Variants in NIM1K observed in about 807,000 individuals in gnomAD.
NIM1K encodes the protein NIM1 serine/threonine protein kinase, also known as serine/threonine-protein kinase NIM1.
NIM1K carries 35 observed loss-of-function variants against 37.1 expected under a neutral mutation model. The observed-to-expected ratio is 0.94, with a 90% CI of 0.72 to 1.25. The LOEUF is 1.25. Ranked by LOEUF, NIM1K falls within the 50% of genes most tolerant of loss-of-function variation. NIM1K has a pLI of 0.00. For synonymous variants in NIM1K, 234 were observed against 206.6 expected (o/e 1.13, Z -1.14); for missense variants, 564 against 548.0 (o/e 1.03, Z -0.29).
intron 1 of NIM1K, among the ~76,000 whole-genome samples, chr5:43,225,260 C>CAGA (rs1752438057): frequency 1.4e-5 from 1 of 72,674 alleles, no homozygotes; most frequent in Non-Finnish European, 2.5e-5. Context: ...ACCCTCTTTC[C>CAGA]AAAAAAAAAA....
At chr5:43,221,958 C>G (rs1288408311) in intron 1 of NIM1K, among the ~76,000 whole-genome samples, 1 of 152,178 alleles carries the variant, frequency 6.6e-6, no homozygotes, top group African/African-American at 2.4e-5. Context: ...AGTAGATGCT[C>G]AGTAAATGTT....
chr5:43,238,039 ATT>A (rs71608701), intron 1 of NIM1K, among the ~76,000 whole-genome samples: 53 of 120,588 alleles, frequency 4.4e-4, no homozygotes, highest in African/African-American at 6.1e-4. Flanking sequence ...CTTCAATTTA[ATT>A]TTTTTTTTTT....
intron 1 of NIM1K, chr5:43,206,691 G>T (rs1356479218): frequency 1.4e-6 from 1 of 694,720 alleles, no homozygotes; most frequent in Non-Finnish European, 2.7e-6. Flanking sequence ...CCCAGGTATG[G>T]CACAGGGCCT....
chr5:43,246,055 T>A lies in NIM1K; in HGVS notation c.280T>A (p.Ser94Thr). Reference protein sequence around the residue: ...NFSQVKLGIHSLTKEKVAIKI... With the variant: ...NFSQVKLGIHTLTKEKVAIKI... ...CTCCCAAGTGAAGCTTGGGATTCAC[T>A]CCCTAACCAAAGGTAGGATCCGACT... Residue 94 changes from serine (S) to threonine (T), a missense_variant, in exon 2 of 4, where the codon TCC becomes ACC. Transcript: ENST00000326035. 2 of 1,611,006 alleles carry A rather than the reference T, an allele frequency of 1.2e-6. No homozygotes were observed. The highest frequency in any genetic ancestry group is 1.7e-6 in the Non-Finnish European group (2 of 1,178,136).
intron 2 of NIM1K, among the ~76,000 whole-genome samples, chr5:43,262,766 T>A (rs1445246855): frequency 6.6e-6 from 1 of 152,188 alleles, no homozygotes; most frequent in Non-Finnish European, 1.5e-5. Context: ...GCTCTTACTA[T>A]TTTGTGATGC....
chr5:43,265,466 A>G (rs1421938506), intron 2 of NIM1K, among the ~76,000 whole-genome samples: 2 of 152,174 alleles, frequency 1.3e-5, no homozygotes, highest in South Asian at 2.1e-4. Context: ...TTTCAGCTCC[A>G]TCAGGTCATT....
chr5:43,213,263 G>A (rs1284436281), intron 1 of NIM1K, among the ~76,000 whole-genome samples: 1 of 110,960 alleles, frequency 9.0e-6, no homozygotes, highest in African/African-American at 3.5e-5. Context: ...GTTCTTTCTT[G>A]TTTCTTTTTC....
intron 2 of NIM1K, among the ~76,000 whole-genome samples, chr5:43,256,630 C>T (rs73094590): frequency 0.028 from 4,326 of 152,270 alleles, 215 homozygotes; most frequent in African/African-American, 0.097. Flanking sequence ...CCTTCAATGG[C>T]TAGTCTCTCT....
intron 1 of NIM1K, among the ~76,000 whole-genome samples, chr5:43,206,339 A>C (rs930980709): frequency 6.6e-6 from 1 of 151,608 alleles, no homozygotes; most frequent in Non-Finnish European, 1.5e-5. Context: ...CTTTACTAAA[A>C]TTTTTTAAAA....
intron 1 of NIM1K, among the ~76,000 whole-genome samples, chr5:43,243,149 G>A (rs575141521): frequency 5.0e-4 from 76 of 152,290 alleles, no homozygotes; most frequent in African/African-American, 1.6e-3. Flanking sequence ...TAGTGACAAG[G>A]ACAGCACAGT....
intron 2 of NIM1K, among the ~76,000 whole-genome samples, chr5:43,272,093 G>T (rs548270518): frequency 6.6e-6 from 1 of 152,246 alleles, no homozygotes; most frequent in African/African-American, 2.4e-5. Flanking sequence ...ATTCTTTGCA[G>T]TTAGGAGCTA....
intron 2 of NIM1K, among the ~76,000 whole-genome samples, chr5:43,247,799 T>G (rs1294809736): frequency 6.6e-6 from 1 of 152,250 alleles, no homozygotes; most frequent in African/African-American, 2.4e-5. Flanking sequence ...TATTTTAAAA[T>G]CAATTATGAG....
intron 1 of NIM1K, among the ~76,000 whole-genome samples, chr5:43,231,507 T>C (rs1398904594): frequency 6.6e-6 from 1 of 151,280 alleles, no homozygotes; most frequent in Non-Finnish European, 1.5e-5. Context: ...GCCACCTCTA[T>C]TACATATTAA....
In NIM1K at chr5:43,234,708, C is replaced by T. The variant is rs551586684; in HGVS notation, c.-694-10374C>T. On this transcript the variant is annotated intron_variant, in intron 1 of 3. Transcript: ENST00000326035. Reference sequence around the variant, plus strand: ...GGAATGCAGTGGCGCGATCTTGGCTCACTGCAACCTCCACCTCCTGGGTTC... The same window carrying T: ...GGAATGCAGTGGCGCGATCTTGGCTTACTGCAACCTCCACCTCCTGGGTTC... 2.0e-5 allele frequency among the ~76,000 whole-genome samples: 3 copies of T among 152,316 alleles called. No individual in the cohort carries two copies. The South Asian group carries it at 6.2e-4, about 32-fold the overall frequency.
intron 2 of NIM1K, among the ~76,000 whole-genome samples, chr5:43,249,784 G>A (rs1284581823): frequency 6.6e-6 from 1 of 151,608 alleles, no homozygotes; most frequent in East Asian, 1.9e-4. Context: ...GGAGAAGGGT[G>A]ATGAGCAACC....
intron 1 of NIM1K, among the ~76,000 whole-genome samples, 160 bp downstream of exon 1, chr5:43,192,571 G>A (rs1210791872): frequency 6.6e-6 from 1 of 152,238 alleles, no homozygotes; most frequent in Non-Finnish European, 1.5e-5. Context: ...AGTGGGGTCA[G>A]AAGAAGGTTA....
chr5:43,197,247 G>A (rs1751931412), intron 1 of NIM1K, among the ~76,000 whole-genome samples: 1 of 152,062 alleles, frequency 6.6e-6, no homozygotes, highest in African/African-American at 2.4e-5. Flanking sequence ...TCTCATTTCA[G>A]ACTCCAGAGT....
At chr5:43,256,773 C>A (rs891552242) in intron 2 of NIM1K, among the ~76,000 whole-genome samples, 1 of 152,198 alleles carries the variant, frequency 6.6e-6, no homozygotes, top group East Asian at 1.9e-4. Flanking sequence ...TATAAATACT[C>A]CAGTTCTCTC....
At position 43,280,310 on chromosome 5, in the gene NIM1K, T is replaced by G. The variant is rs1215604592; in HGVS notation, c.892T>G (p.Cys298Gly). 6.2e-7 allele frequency: 1 copy of G among 1,614,168 alleles called. No individual in the cohort carries two copies. Among genetic ancestry groups the G allele is most frequent in the South Asian group, 1.1e-5 (1 of 91,074 alleles). The part of the protein sequence containing the change: ...YSVPPHVSEP[C>G]HRLIRGVLQQ... The stretch of plus-strand genomic sequence containing the variant: ...TGTACCGCCGCACGTGTCAGAGCCC[T>G]GCCACCGACTCATCCGAGGAGTCCT... The change falls in exon 4 of 4, where the codon TGC becomes GGC. Residue 298 changes from cysteine (C) to glycine (G), a missense_variant. Physicochemically the swap from Cys to Gly is radical, Grantham distance 159. Transcript: ENST00000326035.
Sources: gnomAD v4.1 joint callset for allele counts (sites outside exome capture counted in the v4.1 genomes callset) on GRCh38, gnomAD v4.1.1 for gene constraint, MANE v1.5 for transcripts, NCBI Gene and HGNC (gene_info 2026-07-23, HGNC 2026-07-21) for gene names.